Variants in DOCK9 observed in about 807,000 individuals in gnomAD.
The protein encoded by DOCK9 is dedicator of cytokinesis protein 9.
A neutral mutation model predicts 263.3 loss-of-function variants in DOCK9; 89 were observed. The observed-to-expected ratio is 0.34, with a 90% CI of 0.28 to 0.40. The LOEUF (loss-of-function observed/expected upper bound fraction) is 0.40. Ranked by LOEUF, DOCK9 falls within the 10% of genes least tolerant of loss-of-function variation. The pLI is 1.00. For missense variants in DOCK9, 2,140 were observed against 2,603.4 expected, an observed-to-expected ratio of 0.82 and a Z score of 3.87; for synonymous variants, 976 against 973.1, an observed-to-expected ratio of 1.00 and a Z score of -0.06.
At chr13:98,959,300 T>C (rs1045548562) in intron 1 of DOCK9, 2 of 152,236 alleles carry the variant, frequency 1.3e-5, no homozygotes, top group African/African-American at 2.4e-5. Context: ...TGCAGTACCA[T>C]GACCAGGAAA....
intron 34 of DOCK9, 110 bp downstream of exon 34, chr13:98,855,788 A>C: frequency 7.3e-7 from 1 of 1,371,564 alleles, no homozygotes; most frequent in South Asian, 1.4e-5. Flanking sequence ...CGGGTGGTTT[A>C]GAAAAAAACA....
intron 1 of DOCK9, among the ~76,000 whole-genome samples, chr13:99,009,491 G>A (rs932864867): frequency 6.6e-6 from 1 of 152,020 alleles, no homozygotes; most frequent in Non-Finnish European, 1.5e-5. Context: ...ATGACACCTC[G>A]AGGCAGATAA....
intron 1 of DOCK9, among the ~76,000 whole-genome samples, chr13:98,986,171 C>T (rs1327387801): frequency 6.6e-6 from 1 of 152,226 alleles, no homozygotes. Flanking sequence ...CACAAATTGC[C>T]GCCCTTCAAG....
chr13:98,914,511 C>A, intron 8 of DOCK9, 116 bp from the exon 9 acceptor site: 2 of 795,318 alleles, frequency 2.5e-6, no homozygotes, highest in Non-Finnish European at 4.1e-6. Flanking sequence ...TGGTTCCCCA[C>A]TCTGGATGCT....
intron 1 of DOCK9, among the ~76,000 whole-genome samples, chr13:99,074,402 A>G (rs2041822503): frequency 6.6e-6 from 1 of 152,260 alleles, no homozygotes; most frequent in Admixed American, 6.5e-5. Flanking sequence ...CATATACAAG[A>G]AGGCAAGAGA....
chr13:99,074,168 T>C lies in DOCK9; in HGVS notation c.129+12055A>G, dbSNP rs544803552. 9.2e-5 allele frequency among the ~76,000 whole-genome samples: 14 copies of C among 152,376 alleles called. No homozygotes were observed. In the South Asian group the frequency reaches 2.9e-3, roughly 32 times the overall value. ...GCTCAACAGCTCACAAATTTCCTTT[T>C]CTTTTTTCACAATGGTCCTTAAACT... On this transcript the variant is annotated intron_variant, in intron 1 of 32. Transcript: ENST00000427887.
intron 5 of DOCK9, among the ~76,000 whole-genome samples, chr13:98,922,968 G>A (rs12428413): frequency 0.15 from 22,622 of 152,172 alleles, 1,845 homozygotes; most frequent in South Asian, 0.21. Flanking sequence ...GCTGGCAGCT[G>A]TTTCGAGATC....
At position 98,942,242 on chromosome 13, in the gene DOCK9, T is replaced by C. The variant is rs201287052; in HGVS notation, c.244-11985A>G. 2.7e-5 allele frequency among the ~76,000 whole-genome samples: 4 copies of C among 149,604 alleles called. No individual in the cohort carries two copies. The East Asian group carries it at 5.9e-4, about 22-fold the overall frequency. ...TATGTTTTTTTTTTTGTTGTTTTTT[T>C]TTTTTGTTTTTTTGAGACAGAGTCT... On this transcript the variant is annotated intron_variant, in intron 2 of 52. Transcript: ENST00000682017.
chr13:99,033,279 G>A (rs1442935399), intron 1 of DOCK9, among the ~76,000 whole-genome samples: 1 of 152,192 alleles, frequency 6.6e-6, no homozygotes, highest in African/African-American at 2.4e-5. Flanking sequence ...ATCTGAATAT[G>A]AAAGACAGAT....
intron 1 of DOCK9, among the ~76,000 whole-genome samples, chr13:99,041,147 G>A (rs1888417498): frequency 6.6e-6 from 1 of 152,066 alleles, no homozygotes; most frequent in South Asian, 2.1e-4. Context: ...ACAAGCAGAT[G>A]TATTTTTTTC....
Position 98,854,115 on chromosome 13 carries a change from C to T in DOCK9, c.3832-593G>A, listed in dbSNP as rs542375550. ...ACGTCAGCACAGCATGGCCAGAGGT[C>T]CTAAACTGATGAGGTCACTCCCTCA... On this transcript the variant is annotated intron_variant, in intron 34 of 52. Coordinates refer to ENST00000682017, the MANE Select transcript of DOCK9 (RefSeq NM_001366683.2). Among the ~76,000 whole-genome samples the T allele has an allele frequency of 2.0e-3, 304 of 152,164 alleles. 1 individual carries two copies. The highest frequency in any genetic ancestry group is 7.0e-3 in the African/African-American group (291 of 41,530).
intron 51 of DOCK9, 56 bp downstream of exon 51, chr13:98,797,333 T>A: frequency 6.2e-7 from 1 of 1,608,538 alleles, no homozygotes; most frequent in Non-Finnish European, 8.5e-7. Context: ...CCTTCCCGAA[T>A]GAGTACAGAA....
intron 38 of DOCK9, chr13:98,845,251 G>C: frequency 9.6e-7 from 1 of 1,040,572 alleles, no homozygotes; most frequent in South Asian, 1.4e-5. Context: ...AAGTTAGGAA[G>C]GCAAGATGAA....
chr13:99,057,446 T>C (rs2040979407), intron 1 of DOCK9, among the ~76,000 whole-genome samples: 1 of 152,190 alleles, frequency 6.6e-6, no homozygotes, highest in Admixed American at 6.6e-5. Flanking sequence ...AAGTCCTGGG[T>C]GAGCTGAGGA....
At chr13:98,822,916 G>A (rs77318504) in intron 45 of DOCK9, among the ~76,000 whole-genome samples, 2,608 of 152,064 alleles carry the variant, frequency 0.017, 35 homozygotes, top group East Asian at 0.052. Context: ...ATTTACAACA[G>A]TGGTTCTTAA....
intron 1 of DOCK9, among the ~76,000 whole-genome samples, chr13:99,007,543 G>A (rs1005090383): frequency 2.0e-5 from 3 of 152,136 alleles, no homozygotes; most frequent in African/African-American, 7.2e-5. Context: ...TATTTCTGCT[G>A]CTGCTCTTTA....
At chr13:98,932,404 C>CAACAAACA (rs147642560) in intron 2 of DOCK9, among the ~76,000 whole-genome samples, 42 of 150,820 alleles carry the variant, frequency 2.8e-4, no homozygotes, top group African/African-American at 4.1e-4. Flanking sequence ...CAAAAAACAA[C>CAACAAACA]AACAAACAAA....
At chr13:98,834,157 T>G (rs1376859740) in intron 39 of DOCK9, among the ~76,000 whole-genome samples, 1 of 152,194 alleles carries the variant, frequency 6.6e-6, no homozygotes, top group African/African-American at 2.4e-5. Context: ...TGGTGCTTAA[T>G]CCAAGAGATG....
chr13:98,960,258 G>A (rs778730854), intron 1 of DOCK9, among the ~76,000 whole-genome samples: 7 of 152,096 alleles, frequency 4.6e-5, no homozygotes, highest in Admixed American at 1.3e-4. Context: ...GAGCTGCTCC[G>A]GGGCCATCAG....
Sources: gnomAD v4.1 joint callset for allele counts (sites outside exome capture counted in the v4.1 genomes callset) on GRCh38, gnomAD v4.1.1 for gene constraint, MANE v1.5 for transcripts, NCBI Gene and HGNC (gene_info 2026-07-23, HGNC 2026-07-21) for gene names.